The following KCNIP4 variants were observed in gnomAD, a reference collection of about 807,000 sequenced individuals.
KCNIP4 encodes potassium voltage-gated channel interacting protein 4.
Under a neutral mutation model 34.0 loss-of-function variants are expected in KCNIP4, and 12 were observed. The observed-to-expected ratio is 0.35, with a 90% CI of 0.23 to 0.57. The LOEUF is 0.57. Ranked by LOEUF, KCNIP4 falls within the 20% of genes least tolerant of loss-of-function variation. KCNIP4 has a pLI of 0.83. For synonymous variants in KCNIP4, 124 were observed against 102.2 expected, an observed-to-expected ratio of 1.21 and a Z score of -1.29; for missense variants, 238 against 311.7, an observed-to-expected ratio of 0.76 and a Z score of 1.78.
At chr4:21,177,495 G>A (rs375936703) in intron 1 of KCNIP4, among the ~76,000 whole-genome samples, 160 of 152,046 alleles carry the variant, frequency 1.1e-3, no homozygotes, top group Non-Finnish European at 1.9e-3. Flanking sequence ...TATTAAATGC[G>A]TAAGTAAATA....
chr4:21,504,907 A>G (rs1733701476), intron 1 of KCNIP4, among the ~76,000 whole-genome samples: 1 of 152,232 alleles, frequency 6.6e-6, no homozygotes, highest in Admixed American at 6.5e-5. Context: ...GAATTCAACA[A>G]TCCTTACAGA....
At chr4:21,481,584 G>T (rs1406998295) in intron 1 of KCNIP4, among the ~76,000 whole-genome samples, 1 of 152,110 alleles carries the variant, frequency 6.6e-6, no homozygotes, top group Non-Finnish European at 1.5e-5. Context: ...AGCTCTAAAT[G>T]GCTAAAAATG....
At chr4:21,779,183 A>C (rs1719411734) in intron 1 of KCNIP4, among the ~76,000 whole-genome samples, 1 of 152,138 alleles carries the variant, frequency 6.6e-6, no homozygotes, top group Non-Finnish European at 1.5e-5. Context: ...TTTTGCTTTC[A>C]TCTTTATATT....
At chr4:20,742,886 A>G (rs1485567397) in intron 5 of KCNIP4, among the ~76,000 whole-genome samples, 1 of 152,200 alleles carries the variant, frequency 6.6e-6, no homozygotes. Context: ...ACAAAAATCA[A>G]TGTGCAAAAA....
chr4:21,332,102 C>A (rs1715698357), intron 1 of KCNIP4, among the ~76,000 whole-genome samples: 1 of 151,948 alleles, frequency 6.6e-6, no homozygotes, highest in South Asian at 2.1e-4. Flanking sequence ...ATTTTAAAAG[C>A]TAGTGTTAAT....
intron 1 of KCNIP4, among the ~76,000 whole-genome samples, chr4:21,668,696 C>T (rs944601668): frequency 1.3e-5 from 2 of 152,050 alleles, no homozygotes; most frequent in Non-Finnish European, 2.9e-5. Flanking sequence ...CAAAAGTATT[C>T]AAATATTTAA....
At chr4:21,006,594 A>T (rs2149725551) in intron 1 of KCNIP4, among the ~76,000 whole-genome samples, 1 of 152,344 alleles carries the variant, frequency 6.6e-6, no homozygotes, top group Admixed American at 6.5e-5. Context: ...AAGAGCTATA[A>T]TGGAGATGTG....
chr4:21,622,295 C>A (rs1311530035), intron 1 of KCNIP4, among the ~76,000 whole-genome samples: 1 of 152,018 alleles, frequency 6.6e-6, no homozygotes, highest in African/African-American at 2.4e-5. Flanking sequence ...AAAAACGGGC[C>A]CTTCTGAGTA....
intron 1 of KCNIP4, among the ~76,000 whole-genome samples, chr4:21,812,052 C>T (rs1021214742): frequency 6.6e-6 from 1 of 152,094 alleles, no homozygotes; most frequent in Non-Finnish European, 1.5e-5. Context: ...ATGTTTGGCT[C>T]AAGAAAAATG....
chr4:21,369,520 C>G (rs1386483227), intron 1 of KCNIP4, among the ~76,000 whole-genome samples: 3 of 146,760 alleles, frequency 2.0e-5, no homozygotes, highest in Non-Finnish European at 4.4e-5. Flanking sequence ...TCTCAGGAAC[C>G]CAGGAGGTTG....
At chr4:21,586,042 T>C (rs1348530373) in intron 1 of KCNIP4, among the ~76,000 whole-genome samples, 3 of 152,072 alleles carry the variant, frequency 2.0e-5, no homozygotes, top group African/African-American at 7.2e-5. Context: ...TGTGACACTA[T>C]ACTAAGCACT....
At chr4:21,142,023 C>T (rs190740248) in intron 1 of KCNIP4, among the ~76,000 whole-genome samples, 20 of 151,598 alleles carry the variant, frequency 1.3e-4, no homozygotes, top group East Asian at 9.8e-4. Context: ...TGGTGGTGTG[C>T]GCCTGTAATC....
intron 1 of KCNIP4, among the ~76,000 whole-genome samples, chr4:21,538,517 CACAG>C (rs1737411634): frequency 6.6e-6 from 1 of 152,132 alleles, no homozygotes; most frequent in Non-Finnish European, 1.5e-5. Context: ...TCTAAGGAGC[CACAG>C]ACAATGACTT....
At chr4:20,845,914 G>A (rs1720311151) in intron 3 of KCNIP4, among the ~76,000 whole-genome samples, 1 of 152,090 alleles carries the variant, frequency 6.6e-6, no homozygotes, top group Non-Finnish European at 1.5e-5. Flanking sequence ...TTCTAACTGT[G>A]GCCTCATGAA....
At chr4:21,177,066 A>G (rs937834427) in intron 1 of KCNIP4, among the ~76,000 whole-genome samples, 2 of 152,188 alleles carry the variant, frequency 1.3e-5, no homozygotes, top group Non-Finnish European at 2.9e-5. Flanking sequence ...CACTTAATTG[A>G]TAGGAATTCC....
chr4:21,029,187 A>G (rs1740798049), intron 1 of KCNIP4, among the ~76,000 whole-genome samples: 1 of 152,168 alleles, frequency 6.6e-6, no homozygotes, highest in Non-Finnish European at 1.5e-5. Flanking sequence ...CCTTCTTTCT[A>G]AGATGAGGGT....
In KCNIP4 at chr4:21,936,630, A is replaced by T. The variant is rs545711381; in HGVS notation, c.61+11941T>A. 1.4e-4 allele frequency among the ~76,000 whole-genome samples: 22 copies of T among 152,234 alleles called. No individual in the cohort carries two copies. The South Asian group carries it at 3.9e-3, about 27-fold the overall frequency. On this transcript the variant is annotated intron_variant, in intron 1 of 8. Transcript: ENST00000382152. Reference sequence around the variant, plus strand: ...GCAAGAATGGTCCAGGCACACATTAAGAAACTAAACTACAGAGAGGCCATG... The same window carrying T: ...GCAAGAATGGTCCAGGCACACATTATGAAACTAAACTACAGAGAGGCCATG...
chr4:21,144,476 G>A (rs1441258178), intron 1 of KCNIP4, among the ~76,000 whole-genome samples: 4 of 152,100 alleles, frequency 2.6e-5, no homozygotes, highest in African/African-American at 9.7e-5. Flanking sequence ...TATTCCTCAT[G>A]CTAAACCCCT....
chr4:21,453,488 C>G (rs370318958), intron 1 of KCNIP4, among the ~76,000 whole-genome samples: 15 of 152,000 alleles, frequency 9.9e-5, no homozygotes, highest in African/African-American at 3.6e-4. Flanking sequence ...AAAGCCCCAT[C>G]TAGGCTTATT....
Sources: allele counts gnomAD v4.1 joint callset (sites outside exome capture counted in the v4.1 genomes callset), GRCh38; gene constraint gnomAD v4.1.1; transcripts MANE v1.5; gene names NCBI Gene and HGNC (gene_info 2026-07-23, HGNC 2026-07-21).